The following IPCEF1 variants were observed in gnomAD, a reference collection of about 807,000 sequenced individuals.
IPCEF1 encodes the protein interaction protein for cytohesin exchange factors 1.
A neutral mutation model predicts 50.9 loss-of-function variants in IPCEF1; 31 were observed. The observed-to-expected ratio is 0.61, with a 90% CI of 0.46 to 0.82. IPCEF1 has a LOEUF of 0.82. Ranked by LOEUF, IPCEF1 falls within the 40% of genes least tolerant of loss-of-function variation. The pLI is 0.00. For synonymous variants in IPCEF1, 181 were observed against 192.0 expected (o/e 0.94, Z 0.47); for missense variants, 458 against 514.0 (o/e 0.89, Z 1.05).
chr6:154,233,634 C>T (rs951684608), intron 5 of IPCEF1, among the ~76,000 whole-genome samples: 5 of 152,120 alleles, frequency 3.3e-5, no homozygotes, highest in African/African-American at 9.7e-5. Flanking sequence ...GAATTGATTA[C>T]GCTAATGAGG....
At chr6:154,224,114 G>A (rs1318025291) in intron 5 of IPCEF1, among the ~76,000 whole-genome samples, 2 of 152,192 alleles carry the variant, frequency 1.3e-5, no homozygotes, top group African/African-American at 2.4e-5. Flanking sequence ...TCTGAGTAGA[G>A]AAATAGAATC....
chr6:154,331,405 A>AAGAAAGAAAGAAAGAAAGAGAG (rs60403800), intron 1 of IPCEF1, among the ~76,000 whole-genome samples: 28 of 93,020 alleles, frequency 3.0e-4, no homozygotes, highest in East Asian at 1.4e-3. Context: ...GAAAGAAAGA[A>AAGAAAGAAAGAAAGAAAGAGAG]AGAGAGAGAA....
intron 10 of IPCEF1, among the ~76,000 whole-genome samples, chr6:154,190,138 C>CA (rs1163561924): frequency 6.6e-6 from 1 of 152,074 alleles, no homozygotes; most frequent in Non-Finnish European, 1.5e-5. Context: ...CAAAAACTCA[C>CA]AAAATATAAG....
intron 9 of IPCEF1, among the ~76,000 whole-genome samples, chr6:154,204,810 T>C (rs976518253): frequency 2.0e-5 from 3 of 152,118 alleles, no homozygotes; most frequent in Admixed American, 2.0e-4. Context: ...CAGAAAACCC[T>C]CTTATAACTG....
chr6:154,347,677 C>G (rs1784056825), intron 1 of IPCEF1, among the ~76,000 whole-genome samples: 1 of 152,206 alleles, frequency 6.6e-6, no homozygotes, highest in Admixed American at 6.5e-5. Context: ...CTCTTGGACT[C>G]TATTTTCTGC....
At chr6:154,208,179 C>A (rs568470006) in intron 9 of IPCEF1, among the ~76,000 whole-genome samples, 99 of 150,860 alleles carry the variant, frequency 6.6e-4, no homozygotes, top group Non-Finnish European at 1.2e-3. Flanking sequence ...ATGCCCTCCA[C>A]GATATGGCTA....
chr6:154,228,534 C>A (rs1779454506), intron 5 of IPCEF1, among the ~76,000 whole-genome samples: 1 of 152,160 alleles, frequency 6.6e-6, no homozygotes, highest in Non-Finnish European at 1.5e-5. Flanking sequence ...CACAATTCAG[C>A]CCATCTAGTT....
chr6:154,342,699 T>C (rs1006070505), intron 1 of IPCEF1, among the ~76,000 whole-genome samples: 2 of 152,146 alleles, frequency 1.3e-5, no homozygotes, highest in Non-Finnish European at 2.9e-5. Flanking sequence ...TGGTCTCAAG[T>C]GATCCTCCTG....
chr6:154,260,345 G>A (rs1158264048), intron 3 of IPCEF1, among the ~76,000 whole-genome samples: 1 of 152,088 alleles, frequency 6.6e-6, no homozygotes, highest in Non-Finnish European at 1.5e-5. Flanking sequence ...GGAGCTTTGG[G>A]TACAGGAACT....
intron 10 of IPCEF1, among the ~76,000 whole-genome samples, chr6:154,188,806 T>C (rs1244933107): frequency 6.6e-6 from 1 of 152,172 alleles, no homozygotes; most frequent in African/African-American, 2.4e-5. Flanking sequence ...AAATTATATT[T>C]GCATATGGAG....
chr6:154,188,342 A>G (rs765405550), intron 10 of IPCEF1, among the ~76,000 whole-genome samples: 5 of 152,360 alleles, frequency 3.3e-5, no homozygotes, highest in South Asian at 2.1e-4. Flanking sequence ...ATTTATTATA[A>G]GATGTAAGAA....
intron 3 of IPCEF1, among the ~76,000 whole-genome samples, chr6:154,261,674 T>C (rs1338186077): frequency 6.6e-6 from 1 of 152,242 alleles, no homozygotes; most frequent in Non-Finnish European, 1.5e-5. Context: ...TGCTGTTTGG[T>C]ATACACATAA....
chr6:154,232,393 C>T (rs753141408), intron 5 of IPCEF1, among the ~76,000 whole-genome samples: 7 of 152,052 alleles, frequency 4.6e-5, no homozygotes, highest in Non-Finnish European at 7.4e-5. Context: ...ATTTATTGAG[C>T]GCTAAGCATA....
At chr6:154,322,611 G>T (rs1305523329) in intron 1 of IPCEF1, among the ~76,000 whole-genome samples, 1 of 151,896 alleles carries the variant, frequency 6.6e-6, no homozygotes, top group Non-Finnish European at 1.5e-5. Context: ...GCCGAGGGAG[G>T]CAGATCAATG....
At chr6:154,322,803 C>G (rs1213283364) in intron 1 of IPCEF1, among the ~76,000 whole-genome samples, 1 of 151,758 alleles carries the variant, frequency 6.6e-6, no homozygotes, top group Non-Finnish European at 1.5e-5. Flanking sequence ...CACCACTGCA[C>G]TCTAGCCTGG....
chr6:154,220,369 C>A (rs902945585), intron 7 of IPCEF1, among the ~76,000 whole-genome samples: 9 of 152,158 alleles, frequency 5.9e-5, no homozygotes, highest in African/African-American at 2.2e-4. Flanking sequence ...TTCAAACAGC[C>A]ATTGTTGACC....
chr6:154,287,696 T>G (rs890374939), intron 2 of IPCEF1, among the ~76,000 whole-genome samples: 1 of 152,190 alleles, frequency 6.6e-6, no homozygotes, highest in African/African-American at 2.4e-5. Flanking sequence ...CAAACACAGC[T>G]TCTTATAACA....
intron 1 of IPCEF1, among the ~76,000 whole-genome samples, chr6:154,313,071 A>G (rs1583977948): frequency 1.3e-5 from 2 of 148,622 alleles, no homozygotes; most frequent in African/African-American, 5.0e-5. Flanking sequence ...CTGTCTCAAA[A>G]AAAAAAAAAA....
chr6:154,179,347 T>A (rs1800635669), intron 10 of IPCEF1, among the ~76,000 whole-genome samples: 1 of 152,202 alleles, frequency 6.6e-6, no homozygotes, highest in Non-Finnish European at 1.5e-5. Flanking sequence ...CCTTTTGCTT[T>A]TTATATATTT....
Sources: allele counts gnomAD v4.1 joint callset (sites outside exome capture counted in the v4.1 genomes callset), GRCh38; gene constraint gnomAD v4.1.1; transcripts MANE v1.5; gene names NCBI Gene and HGNC (gene_info 2026-07-23, HGNC 2026-07-21).